The following NANS variants were observed in gnomAD, a reference collection of about 807,000 sequenced individuals.
NANS encodes N-acetylneuraminate-9-phosphate synthase.
A neutral mutation model predicts 33.3 loss-of-function variants in NANS; 29 were observed. The observed-to-expected ratio is 0.87, with a 90% CI of 0.65 to 1.19. The LOEUF (loss-of-function observed/expected upper bound fraction) is 1.19. Ranked by LOEUF, NANS falls within the 50% of genes most tolerant of loss-of-function variation. The probability of loss-of-function intolerance (pLI) is 0.00; values close to 1 mark genes in which losing one functional copy is unlikely to be tolerated. For missense variants in NANS, 394 were observed against 461.1 expected (o/e 0.85, Z 1.33); for synonymous variants, 163 against 177.2 (o/e 0.92, Z 0.64).
chr9:98,059,743 T>A (rs867943635), intron 1 of NANS, among the ~76,000 whole-genome samples: 1 of 152,008 alleles, frequency 6.6e-6, no homozygotes, highest in South Asian at 2.1e-4. Context: ...TTTTTTTTTT[T>A]ATAGTCAAAC....
At chr9:98,063,341 A>G (rs958137456) in intron 2 of NANS, among the ~76,000 whole-genome samples, 13 of 151,994 alleles carry the variant, frequency 8.6e-5, no homozygotes, top group African/African-American at 2.9e-4. Context: ...TCCCAGGTTC[A>G]AGTTATTCTC....
chr9:98,066,652 G>A (rs1829156370), intron 2 of NANS, among the ~76,000 whole-genome samples: 2 of 141,722 alleles, frequency 1.4e-5, no homozygotes, highest in African/African-American at 2.6e-5. Context: ...ACCACTTACC[G>A]ATTTTTTTTT....
chr9:98,075,787 G>C (rs1193221675), intron 2 of NANS: 1 of 152,114 alleles, frequency 6.6e-6, no homozygotes, highest in Non-Finnish European at 1.5e-5. Flanking sequence ...GTATACTTAA[G>C]TCCCAACTCA....
At chr9:98,080,604 A>G (rs1329823748) in intron 4 of NANS, among the ~76,000 whole-genome samples, 3 of 152,202 alleles carry the variant, frequency 2.0e-5, no homozygotes, top group Admixed American at 2.0e-4. Context: ...AGCATTTACA[A>G]TGTGCTGAGT....
At chr9:98,063,136 C>T (rs1383541997) in intron 2 of NANS, among the ~76,000 whole-genome samples, 3 of 151,870 alleles carry the variant, frequency 2.0e-5, no homozygotes, top group African/African-American at 7.3e-5. Context: ...CCATGTTAGC[C>T]AGGCTGATCT....
chr9:98,072,137 A>G (rs1829364102), intron 2 of NANS, among the ~76,000 whole-genome samples: 1 of 152,116 alleles, frequency 6.6e-6, no homozygotes, highest in Non-Finnish European at 1.5e-5. Flanking sequence ...TGGGCTCCTC[A>G]TGTAACCTTG....
chr9:98,061,752 C>T (rs1828988807), intron 2 of NANS, among the ~76,000 whole-genome samples: 2 of 150,954 alleles, frequency 1.3e-5, no homozygotes, highest in South Asian at 4.2e-4. Context: ...TGCACTCCAG[C>T]CTGGTGATAG....
At chr9:98,080,755 C>T in intron 4 of NANS, 61 bp from the exon 5 acceptor site, 1 of 1,516,802 alleles carries the variant, frequency 6.6e-7, no homozygotes, top group African/African-American at 1.4e-5. Context: ...TACGCTTCAC[C>T]TGGAGAATAT....
chr9:98,077,984 G>A, intron 3 of NANS: 1 of 612,612 alleles, frequency 1.6e-6, no homozygotes, highest in South Asian at 2.2e-5. Flanking sequence ...CAAGAACACT[G>A]TCGGGGGGCA....
intron 4 of NANS, 112 bp downstream of exon 4, chr9:98,078,459 C>G (rs1829693573): frequency 7.6e-7 from 1 of 1,315,628 alleles, no homozygotes; most frequent in South Asian, 1.4e-5. Flanking sequence ...TTTGAACATC[C>G]TTTGACAGTC....
intron 1 of NANS, among the ~76,000 whole-genome samples, chr9:98,059,960 C>T (rs542575992): frequency 6.6e-6 from 1 of 152,284 alleles, no homozygotes; most frequent in East Asian, 1.9e-4. Context: ...ATGTTCCTGT[C>T]CCTGAGAGGG....
At chr9:98,079,452 T>A (rs909091656) in intron 4 of NANS, among the ~76,000 whole-genome samples, 3 of 133,724 alleles carry the variant, frequency 2.2e-5, no homozygotes, top group African/African-American at 9.8e-5. Context: ...CTTTCTTACA[T>A]GTTGTTATAC....
At chr9:98,067,536 A>G (rs1829183890) in intron 2 of NANS, among the ~76,000 whole-genome samples, 1 of 152,160 alleles carries the variant, frequency 6.6e-6, no homozygotes, top group African/African-American at 2.4e-5. Flanking sequence ...CTTTGGAAGA[A>G]TGTCTATTCA....
intron 4 of NANS, among the ~76,000 whole-genome samples, chr9:98,078,855 G>T (rs1298647567): frequency 1.7e-5 from 2 of 118,692 alleles, no homozygotes; most frequent in Non-Finnish European, 1.8e-5. Context: ...AAAAAAAAAA[G>T]TCTGTCTGTC....
chr9:98,075,313 G>A (rs528672744), intron 2 of NANS: 1 of 136,550 alleles, frequency 7.3e-6, no homozygotes, highest in African/African-American at 3.1e-5. Context: ...AAGATGGAAG[G>A]GGAAAAGAGA....
intron 2 of NANS, among the ~76,000 whole-genome samples, chr9:98,063,171 G>A (rs1037874512): frequency 3.3e-5 from 5 of 151,422 alleles, no homozygotes; most frequent in African/African-American, 1.2e-4. Flanking sequence ...CAGCCCATCC[G>A]CCCGCCCCAG....
At chr9:98,074,343 C>G (rs1231754793) in intron 2 of NANS, among the ~76,000 whole-genome samples, 1 of 152,022 alleles carries the variant, frequency 6.6e-6, no homozygotes, top group African/African-American at 2.4e-5. Flanking sequence ...CTGAGGCTGC[C>G]GGGCTGCATG....
chr9:98,068,446 CT>C (rs372735377), intron 2 of NANS, among the ~76,000 whole-genome samples: 25 of 148,882 alleles, frequency 1.7e-4, no homozygotes, highest in African/African-American at 4.7e-4. Context: ...CCATTTTTAG[CT>C]TTTTTTTTTC....
chr9:98,082,697 A>C, intron 5 of NANS, 149 bp from the exon 6 acceptor site: 1 of 644,424 alleles, frequency 1.6e-6, no homozygotes, highest in Non-Finnish European at 2.7e-6. Flanking sequence ...GCCATGTATG[A>C]GATATTCTGA....
Sources: gnomAD v4.1 joint callset for allele counts (sites outside exome capture counted in the v4.1 genomes callset) on GRCh38, gnomAD v4.1.1 for gene constraint, MANE v1.5 for transcripts, NCBI Gene and HGNC (gene_info 2026-07-23, HGNC 2026-07-21) for gene names.